WNT11: variants seen among roughly 807,000 people sequenced by gnomAD.
WNT11 encodes Wnt family member 11.
WNT11 carries 20 observed loss-of-function variants against 35.6 expected under a neutral mutation model. The ratio of observed to expected loss-of-function variants is 0.56; its 90% CI spans 0.40 to 0.82. WNT11 has a LOEUF of 0.82. WNT11 is among the 40% of genes least tolerant of loss of function. The pLI is 0.00. For missense variants in WNT11, 459 were observed against 504.4 expected (o/e 0.91, Z 0.86); for synonymous variants, 200 against 211.9 (o/e 0.94, Z 0.49).
chr11:76,187,911 A>G (rs1341097019), intron 4 of WNT11, among the ~76,000 whole-genome samples: 1 of 152,198 alleles, frequency 6.6e-6, no homozygotes, highest in Non-Finnish European at 1.5e-5. Context: ...TCTGTTGCCC[A>G]GGCTGGAGTG....
chr11:76,203,391 G>C (rs1240104543), intron 1 of WNT11, among the ~76,000 whole-genome samples: 3 of 152,224 alleles, frequency 2.0e-5, no homozygotes. Context: ...GACTGCCCAG[G>C]GAAGGGGGCG....
chr11:76,201,288 C>A (rs779217703), intron 1 of WNT11, among the ~76,000 whole-genome samples: 2 of 152,226 alleles, frequency 1.3e-5, no homozygotes, highest in Non-Finnish European at 2.9e-5. Flanking sequence ...GGCTGCCATG[C>A]GTACTAGGGA....
chr11:76,192,037 G>A (rs1166400695), intron 3 of WNT11, among the ~76,000 whole-genome samples, 181 bp from the exon 4 acceptor site: 1 of 152,136 alleles, frequency 6.6e-6, no homozygotes, highest in Non-Finnish European at 1.5e-5. Flanking sequence ...TGCAACCGTG[G>A]GGGGCACAGC....
chr11:76,196,423 T>C, intron 2 of WNT11, 60 bp downstream of exon 2: 7 of 1,584,686 alleles, frequency 4.4e-6, no homozygotes, highest in Non-Finnish European at 6.0e-6. Context: ...CACACACAGA[T>C]TGATGCCTGA....
chr11:76,206,662 A>C, upstream of WNT11: 5 of 721,036 alleles, frequency 6.9e-6, no homozygotes, highest in Non-Finnish European at 9.1e-6. Context: ...CCTGGCTCGA[A>C]TTAGGCGCGG....
At chr11:76,206,572 A>C, upstream of WNT11, 23 of 1,168,928 alleles carry the variant, frequency 2.0e-5, no homozygotes, top group East Asian at 7.5e-5. Context: ...TCAAATTACA[A>C]AGGAGGGGTC....
chr11:76,207,058 G>A (rs1311128304), upstream of WNT11: 1 of 152,234 alleles, frequency 6.6e-6, no homozygotes, highest in Non-Finnish European at 1.5e-5. Context: ...GCACAATTCC[G>A]CTTTTATAAA....
In WNT11 at chr11:76,191,568, C is replaced by G; in HGVS notation, c.886G>C (p.Asp296His). 7 of 1,610,262 alleles carry G rather than the reference C, an allele frequency of 4.3e-6. No homozygotes were observed. The highest frequency in any genetic ancestry group is 5.9e-6 in the Non-Finnish European group (7 of 1,177,154). Residue 296 changes from aspartate (D) to histidine (H), a missense_variant, in exon 4 of 5, where the codon GAC becomes CAC. Transcript: ENST00000322563. ...NEKVGSHGTQ[D>H]RQCNKTSNGS... Reference sequence around the variant, plus strand: ...CAAGGTGGCAGCAGGCCTCACCTGTCTTGTGTCCCGTGGGAGCCCACCTTC... The same window carrying G: ...CAAGGTGGCAGCAGGCCTCACCTGTGTTGTGTCCCGTGGGAGCCCACCTTC...
upstream of WNT11, among the ~76,000 whole-genome samples, chr11:76,209,160 G>A (rs904767063): frequency 1.3e-5 from 2 of 152,150 alleles, no homozygotes; most frequent in African/African-American, 2.4e-5. Context: ...CCCTTGCTTG[G>A]GGCCGGGCGC....
Position 76,194,416 on chromosome 11 carries a change from G to C in WNT11, c.597+151C>G. On this transcript the variant is annotated intron_variant, in intron 3 of 4. Transcript: ENST00000322563. This position sits in a 1 kb window ranked among gnomAD's most constrained non-coding sequence, Gnocchi z 5.4. Reference sequence around the variant, plus strand: ...GCCCCAAGCAGCTGGCGAGGGAAGGGCTGAGGATGAGGATGGTGCGAGGCA... The same window carrying C: ...GCCCCAAGCAGCTGGCGAGGGAAGGCCTGAGGATGAGGATGGTGCGAGGCA... The C allele has an allele frequency of 1.1e-6, 1 of 949,210 alleles. No individual in the cohort carries two copies. The highest frequency in any genetic ancestry group is 1.7e-5 in the African/African-American group (1 of 60,184). 58.8% of individuals were successfully genotyped at this position (949,210 alleles called of 1,614,324 possible).
intron 1 of WNT11, among the ~76,000 whole-genome samples, chr11:76,197,114 C>T (rs1012239110): frequency 3.9e-5 from 6 of 152,230 alleles, no homozygotes; most frequent in Non-Finnish European, 7.3e-5. Flanking sequence ...CACTGAGCAG[C>T]TACGTGCCAG....
chr11:76,208,543 C>T (rs1159117440), upstream of WNT11, among the ~76,000 whole-genome samples: 5 of 152,194 alleles, frequency 3.3e-5, no homozygotes, highest in African/African-American at 1.2e-4. Flanking sequence ...ATCAAAACTC[C>T]AGTCACCGTC....
intron 4 of WNT11, among the ~76,000 whole-genome samples, 179 bp from the exon 5 acceptor site, chr11:76,187,418 C>A (rs1953114107): frequency 6.6e-6 from 1 of 152,194 alleles, no homozygotes; most frequent in African/African-American, 2.4e-5. Context: ...GTACTTCTAA[C>A]TTTTCCCTAT....
At chr11:76,191,074 C>G (rs1031883248) in intron 4 of WNT11, among the ~76,000 whole-genome samples, 2 of 152,180 alleles carry the variant, frequency 1.3e-5, no homozygotes, top group South Asian at 4.1e-4. Context: ...TGTTGCTGCA[C>G]GGAATGCAGG....
intron 2 of WNT11, among the ~76,000 whole-genome samples, chr11:76,195,498 G>A (rs918071621): frequency 6.6e-6 from 1 of 152,210 alleles, no homozygotes; most frequent in Non-Finnish European, 1.5e-5. Flanking sequence ...AGCTAGGGAC[G>A]GGCCAGGAAG....
At chr11:76,204,214 C>T (rs1457031227) in intron 1 of WNT11, among the ~76,000 whole-genome samples, 4 of 152,150 alleles carry the variant, frequency 2.6e-5, no homozygotes, top group African/African-American at 9.7e-5. Flanking sequence ...CGTTGTTATT[C>T]TTAAACTCCA....
chr11:76,190,755 A>T (rs907249559), intron 4 of WNT11: 2 of 152,184 alleles, frequency 1.3e-5, no homozygotes, highest in Non-Finnish European at 2.9e-5. Flanking sequence ...AGCCTTTCAT[A>T]TGTTCTAGTG....
chr11:76,207,189 C>T (rs1158802553), upstream of WNT11, among the ~76,000 whole-genome samples: 1 of 152,078 alleles, frequency 6.6e-6, no homozygotes, highest in Non-Finnish European at 1.5e-5. Context: ...TGGCAAAACC[C>T]CGTCTCTACT....
intron 3 of WNT11, among the ~76,000 whole-genome samples, chr11:76,193,397 A>G (rs1037632752): frequency 6.6e-6 from 1 of 152,080 alleles, no homozygotes; most frequent in Non-Finnish European, 1.5e-5. Flanking sequence ...TGGCCTGGCC[A>G]TGATGGTGGG....
Sources: allele counts gnomAD v4.1 joint callset (sites outside exome capture counted in the v4.1 genomes callset), GRCh38; gene constraint gnomAD v4.1.1; non-coding constraint Gnocchi (gnomAD v3.1); transcripts MANE v1.5; gene names NCBI Gene and HGNC (gene_info 2026-07-23, HGNC 2026-07-21).